TNKS: variants seen among roughly 807,000 people sequenced by gnomAD.
The protein encoded by TNKS is poly [ADP-ribose] polymerase tankyrase-1.
A neutral mutation model predicts 135.8 loss-of-function variants in TNKS; 72 were observed. The observed-to-expected ratio is 0.53, with a 90% confidence interval of 0.44 to 0.64. TNKS has a LOEUF of 0.64. TNKS is among the 30% of genes least tolerant of loss of function. The pLI is 0.00. For missense variants in TNKS, 1,769 were observed against 1,674.0 expected (o/e 1.06, Z -0.99); for synonymous variants, 849 against 649.3 (o/e 1.31, Z -4.68).
At position 9,766,296 on chromosome 8, in the gene TNKS, T is replaced by C; in HGVS notation, c.3611T>C (p.Ile1204Thr). 6.2e-7 allele frequency: 1 copy of C among 1,613,868 alleles called. No homozygotes were observed. Among genetic ancestry groups the C allele is most frequent in the Non-Finnish European group, 8.5e-7 (1 of 1,179,926 alleles). The change falls in exon 25 of 27, where the codon ATA becomes ACA. Residue 1204 changes from isoleucine to threonine, a missense_variant. Ile to Thr is a moderately conservative substitution (Grantham distance 89). This residue lies in a region of TNKS where 722 missense variants were observed against 688.9 expected (regional missense o/e 1.05). Transcript: ENST00000310430. ...HKGFDERHAY[I>T]GGMFGAGIYF... Reference sequence around the variant, plus strand: ...GGGTTTGATGAGCGACATGCATACATAGGAGGAATGTTTGGGGCCGGGATT... The same window carrying C: ...GGGTTTGATGAGCGACATGCATACACAGGAGGAATGTTTGGGGCCGGGATT...
intron 1 of TNKS, among the ~76,000 whole-genome samples, chr8:9,562,425 C>G (rs1797374417): frequency 6.6e-6 from 1 of 152,152 alleles, no homozygotes; most frequent in Non-Finnish European, 1.5e-5. Context: ...TAGAAGTTCT[C>G]ATACATATCC....
At chr8:9,769,620 T>TC (rs1807686691) in intron 25 of TNKS, among the ~76,000 whole-genome samples, 1 of 134,920 alleles carries the variant, frequency 7.4e-6, no homozygotes, top group Non-Finnish European at 1.6e-5. Flanking sequence ...TTCTTTTTTT[T>TC]TTTTTTTTTT....
chr8:9,744,662 A>G (rs1161365522), intron 17 of TNKS, among the ~76,000 whole-genome samples: 2 of 152,206 alleles, frequency 1.3e-5, no homozygotes, highest in Non-Finnish European at 1.5e-5. Flanking sequence ...GCTCTTATAT[A>G]CTGTGTTGAA....
At chr8:9,638,276 A>T (rs4240628) in intron 3 of TNKS, among the ~76,000 whole-genome samples, 1 of 152,250 alleles carries the variant, frequency 6.6e-6, no homozygotes, top group Admixed American at 6.5e-5. Flanking sequence ...CCTCCAGCCT[A>T]AATTCTTATA....
chr8:9,703,414 T>C (rs1438881989), intron 5 of TNKS, among the ~76,000 whole-genome samples: 1 of 152,218 alleles, frequency 6.6e-6, no homozygotes, highest in African/African-American at 2.4e-5. Flanking sequence ...ATAGCGAGGA[T>C]GAGTGATTTT....
intron 5 of TNKS, among the ~76,000 whole-genome samples, chr8:9,693,904 G>A (rs985263300): frequency 2.0e-5 from 3 of 152,174 alleles, no homozygotes; most frequent in Non-Finnish European, 2.9e-5. Context: ...GTGACCAACC[G>A]TCTTAGTTTG....
At position 9,638,976 on chromosome 8, in the gene TNKS, G is replaced by A. The variant is rs1029168756; in HGVS notation, c.994+23299G>A. 3.3e-5 allele frequency among the ~76,000 whole-genome samples: 5 copies of A among 152,034 alleles called. No homozygotes were observed. In the East Asian group the frequency reaches 9.6e-4, roughly 29 times the overall value. On this transcript the variant is annotated intron_variant, in intron 3 of 26. Transcript: ENST00000310430. ...AAAAAGCGATGGAAGTGAGGATGGGGGTGTCTTGAAAATTGTATTAACAGA... is the reference window on the plus strand; with the variant it reads ...AAAAAGCGATGGAAGTGAGGATGGGAGTGTCTTGAAAATTGTATTAACAGA...
intron 2 of TNKS, among the ~76,000 whole-genome samples, chr8:9,598,212 A>G (rs1563105493): frequency 1.3e-5 from 2 of 151,936 alleles, no homozygotes; most frequent in African/African-American, 4.8e-5. Context: ...TGCCCGGCTA[A>G]TTTTTTATAT....
chr8:9,680,985 T>A (rs73664780), intron 5 of TNKS, 185 bp downstream of exon 5: 159 of 454,114 alleles, frequency 3.5e-4, no homozygotes, highest in African/African-American at 2.9e-3. Flanking sequence ...TGGTGAAGCA[T>A]GGATCTTAAG....
At position 9,649,162 on chromosome 8, in the gene TNKS, A is replaced by C. The variant is rs538709287; in HGVS notation, c.995-30789A>C. On this transcript the variant is annotated intron_variant, in intron 3 of 26. Transcript: ENST00000310430. ...GTGCTATACTTGTTAGATTTTAAAA[A>C]CATGTTTCTTATCCCTGAAAGCAAG... Among the ~76,000 whole-genome samples, 11 of 152,342 alleles carry C rather than the reference A, an allele frequency of 7.2e-5. No individual in the cohort carries two copies. The South Asian group carries it at 1.2e-3, about 17-fold the overall frequency.
chr8:9,718,393 T>A (rs1804713188), intron 11 of TNKS, among the ~76,000 whole-genome samples: 1 of 152,152 alleles, frequency 6.6e-6, no homozygotes, highest in South Asian at 2.1e-4. Flanking sequence ...GCTTTAAGTT[T>A]AGGAGAAGTG....
intron 15 of TNKS, 146 bp from the exon 16 acceptor site, chr8:9,734,719 G>A: frequency 1.5e-6 from 1 of 650,218 alleles, no homozygotes; most frequent in Non-Finnish European, 2.6e-6. Context: ...TTACTAAGTA[G>A]GAATTTTGCA....
chr8:9,578,252 G>A (rs1439940777), intron 1 of TNKS, among the ~76,000 whole-genome samples: 3 of 152,188 alleles, frequency 2.0e-5, no homozygotes, highest in Admixed American at 6.5e-5. Context: ...TCCTGGGTCA[G>A]GACAGCACTT....
intron 25 of TNKS, among the ~76,000 whole-genome samples, chr8:9,766,947 G>A (rs1807485384): frequency 6.6e-6 from 1 of 152,118 alleles, no homozygotes; most frequent in Admixed American, 6.6e-5. Flanking sequence ...CAGGTACATG[G>A]CCTCCAGTCA....
In TNKS at chr8:9,615,634, A is replaced by T. The variant is rs770148450; in HGVS notation, c.951A>T (p.Ser317=). 15 of 1,613,606 alleles carry T rather than the reference A, an allele frequency of 9.3e-6. No homozygotes were observed. In the East Asian group the frequency reaches 3.1e-4, roughly 34 times the overall value. Residue 317 remains serine (S), a synonymous_variant, in exon 3 of 27, where the codon TCA becomes TCT. Transcript: ENST00000310430. Reference sequence around the variant, plus strand: ...ACATTCGGAACACTGATGGGAAATCAGCCCTGGACCTGGCAGATCCTTCAG... The same window carrying T: ...ACATTCGGAACACTGATGGGAAATCTGCCCTGGACCTGGCAGATCCTTCAG... ...DPNIRNTDGK[S]ALDLADPSAK... is the part of the protein sequence containing the mutation.
chr8:9,566,081 A>G (rs971669984), intron 1 of TNKS, among the ~76,000 whole-genome samples: 3 of 152,138 alleles, frequency 2.0e-5, no homozygotes, highest in African/African-American at 4.8e-5. Flanking sequence ...TGACATTCTC[A>G]TCAGTCATGT....
At chr8:9,678,457 C>T (rs1802640759) in intron 3 of TNKS, among the ~76,000 whole-genome samples, 1 of 152,084 alleles carries the variant, frequency 6.6e-6, no homozygotes, top group African/African-American at 2.4e-5. Flanking sequence ...TTAGAAAGAC[C>T]AACTCTATGA....
At chr8:9,672,711 C>CACAAACA (rs1399922732) in intron 3 of TNKS, among the ~76,000 whole-genome samples, 1 of 85,212 alleles carries the variant, frequency 1.2e-5, no homozygotes, top group Non-Finnish European at 2.2e-5. Context: ...CACACACACA[C>CACAAACA]AAAAAAAAAA....
chr8:9,652,787 A>G (rs1801193273), intron 3 of TNKS, among the ~76,000 whole-genome samples: 1 of 152,204 alleles, frequency 6.6e-6, no homozygotes, highest in Non-Finnish European at 1.5e-5. Flanking sequence ...TGAGTCAAAC[A>G]TTGAGTGTTT....
Sources: allele counts gnomAD v4.1 joint callset (sites outside exome capture counted in the v4.1 genomes callset), GRCh38; gene constraint gnomAD v4.1.1; regional missense constraint gnomAD v4.1.1; transcripts MANE v1.5; gene names NCBI Gene and HGNC (gene_info 2026-07-23, HGNC 2026-07-21).